ZCWPW1: variants seen among roughly 807,000 people sequenced by gnomAD.
The protein encoded by ZCWPW1 is zinc finger CW-type PWWP domain protein 1.
In ZCWPW1, 56 loss-of-function variants were observed where a neutral mutation model predicts 81.3. The ratio of observed to expected loss-of-function variants is 0.69; its 90% CI spans 0.56 to 0.86. The LOEUF is 0.86. Ranked by LOEUF, ZCWPW1 falls within the 40% of genes least tolerant of loss-of-function variation. ZCWPW1 has a pLI of 0.00. For synonymous variants in ZCWPW1, 250 were observed against 273.7 expected (o/e 0.91, Z 0.86); for missense variants, 650 against 769.8 (o/e 0.84, Z 1.84).
At position 100,400,987 on chromosome 7, in the gene ZCWPW1, G is replaced by C. The variant is rs943635185; in HGVS notation, c.*27C>G. The stretch of plus-strand genomic sequence containing the variant: ...TCCCTCCTGCGCCCCAGAGAAGGGA[G>C]AAAAAGAGGGAGCAGAGGAGCACCA... On this transcript the variant is annotated 3_prime_UTR_variant, in exon 18 of 18. Coordinates refer to ENST00000684423, the MANE Select transcript of ZCWPW1 (RefSeq NM_001386010.1). The C allele has an allele frequency of 6.4e-7, 1 of 1,571,556 alleles. No individual in the cohort carries two copies. Among genetic ancestry groups the C allele is most frequent in the African/African-American group, 1.4e-5 (1 of 73,760 alleles).
intron 8 of ZCWPW1, among the ~76,000 whole-genome samples, chr7:100,410,449 G>A (rs189787744): frequency 6.6e-6 from 1 of 152,140 alleles, no homozygotes; most frequent in African/African-American, 2.4e-5. Flanking sequence ...TTGCCCCATT[G>A]CTACTACTCT....
chr7:100,411,734 T>C (rs1794210791), intron 8 of ZCWPW1, among the ~76,000 whole-genome samples: 1 of 152,012 alleles, frequency 6.6e-6, no homozygotes, highest in South Asian at 2.1e-4. Flanking sequence ...TACAGATCAA[T>C]AATAATACAA....
intron 12 of ZCWPW1, among the ~76,000 whole-genome samples, chr7:100,406,148 G>A (rs1208217324): frequency 6.6e-6 from 1 of 152,182 alleles, no homozygotes; most frequent in African/African-American, 2.4e-5. Flanking sequence ...AGTGACTACA[G>A]GGAGGAAATA....
At chr7:100,420,782 G>T in intron 2 of ZCWPW1, 104 bp from the exon 3 acceptor site, 1 of 1,081,832 alleles carries the variant, frequency 9.2e-7, no homozygotes, top group Non-Finnish European at 1.4e-6. Flanking sequence ...CTCTGAACTA[G>T]GTTTCTGCAT....
rs752439815 is a variant in ZCWPW1, at chr7:100,416,040, A to G, written c.689T>C (p.Leu230Pro). Residue 230 changes from leucine to proline, a missense_variant, in exon 8 of 18, where the codon CTA becomes CCA. By Grantham distance (98) the Leu-to-Pro change is moderately conservative. Transcript: ENST00000684423. ...AGAATGATCCTGAACTGTTTTCTTT[A>G]GTCGGTCTTCCTGTCTGTGCTCATG... ...GGHEHRQEDR[L>P]KKTVQDHSQI... 7 of 1,613,984 alleles carry G rather than the reference A, an allele frequency of 4.3e-6. No homozygotes were observed. The highest frequency in any genetic ancestry group is 2.2e-5 in the South Asian group (2 of 91,086).
chr7:100,401,973 A>T lies in ZCWPW1; in HGVS notation c.1543T>A (p.Ser515Thr). 6.2e-7 allele frequency: 1 copy of T among 1,613,866 alleles called. No homozygotes were observed. The highest frequency in any genetic ancestry group is 8.5e-7 in the Non-Finnish European group (1 of 1,180,010). Residue 515 changes from serine (S) to threonine (T), a missense_variant, in exon 17 of 18, where the codon TCT (serine) becomes ACT (threonine). Transcript: ENST00000684423. The stretch of plus-strand genomic sequence containing the variant: ...GGAGCTGTGGATTTCCTGCCTAGAG[A>T]TCTCTTCATTATCTTCCTCTGCAGT... Reference protein sequence around the residue: ...RTLQRKIMKRSLGRKSTAPPA... With the variant: ...RTLQRKIMKRTLGRKSTAPPA...
chr7:100,422,203 G>A (rs1476598132), intron 2 of ZCWPW1, among the ~76,000 whole-genome samples: 1 of 152,132 alleles, frequency 6.6e-6, no homozygotes, highest in South Asian at 2.1e-4. Flanking sequence ...GTAAAATCAG[G>A]ATTAGAACCT....
In ZCWPW1 at chr7:100,428,053, C is replaced by T. The variant is rs540367671; in HGVS notation, c.-137+515G>A. Reference sequence around the variant, plus strand: ...GGCGACAGATTCTGAGGAAAAAGGGCGAAGGGCTGGTTGTCGCCCTGAGAA... The same window carrying T: ...GGCGACAGATTCTGAGGAAAAAGGGTGAAGGGCTGGTTGTCGCCCTGAGAA... On this transcript the variant is annotated intron_variant, in intron 1 of 17. Coordinates refer to ENST00000684423, the MANE Select transcript of ZCWPW1 (RefSeq NM_001386010.1). Among the ~76,000 whole-genome samples the T allele has an allele frequency of 4.6e-5, 7 of 152,014 alleles. No individual in the cohort carries two copies. The East Asian group carries it at 1.4e-3, about 29-fold the overall frequency.
intron 8 of ZCWPW1, 75 bp downstream of exon 8, chr7:100,415,900 A>G (rs1795130067): frequency 7.6e-6 from 12 of 1,585,348 alleles, no homozygotes; most frequent in Non-Finnish European, 8.6e-6. Context: ...AGGTTCCTCT[A>G]ACATCCTAAC....
In ZCWPW1 at chr7:100,401,321, A is replaced by C. The variant is rs749107136; in HGVS notation, c.1643T>G (p.Phe548Cys). Residue 548 changes from phenylalanine (F) to cysteine (C), a missense_variant, in exon 18 of 18, where the codon TTT (phenylalanine) becomes TGT (cysteine). Physicochemically the swap from Phe to Cys is radical, Grantham distance 205. Transcript: ENST00000684423. Reference protein sequence around the residue: ...DSDQPGPKKKFKAPQSKALAA... With the variant: ...DSDQPGPKKKCKAPQSKALAA... ...CAAGGCCTTGCTCTGGGGAGCTTTA[A>C]ATTTTTTCTTAGGGCCTAAATGAGA... 6.4e-7 allele frequency: 1 copy of C among 1,552,204 alleles called. No individual in the cohort carries two copies. Among genetic ancestry groups the C allele is most frequent in the African/African-American group, 1.4e-5 (1 of 72,334 alleles).
chr7:100,404,371 T>C, intron 13 of ZCWPW1, 127 bp from the exon 14 acceptor site: 1 of 901,190 alleles, frequency 1.1e-6, no homozygotes, highest in South Asian at 1.6e-5. Flanking sequence ...ATCATTATTA[T>C]TATTTTTGAG....
chr7:100,413,104 G>T (rs887373815), intron 8 of ZCWPW1, among the ~76,000 whole-genome samples: 32 of 152,072 alleles, frequency 2.1e-4, no homozygotes, highest in Non-Finnish European at 7.4e-5. Context: ...TTCTTAACTG[G>T]TCTATTCTTC....
At chr7:100,405,115 A>C (rs1452954395) in intron 12 of ZCWPW1, 22 bp from the exon 13 acceptor site, 1 of 1,607,586 alleles carries the variant, frequency 6.2e-7, no homozygotes, top group African/African-American at 1.3e-5. Flanking sequence ...GATTAGAGCC[A>C]ATGATAAATA....
At chr7:100,419,385 A>G (rs1343524963) in intron 4 of ZCWPW1, among the ~76,000 whole-genome samples, 196 bp from the exon 5 acceptor site, 1 of 152,184 alleles carries the variant, frequency 6.6e-6, no homozygotes, top group African/African-American at 2.4e-5. Flanking sequence ...AGAAAAGTGT[A>G]TAATGTCTCT....
At chr7:100,419,304 G>A in intron 4 of ZCWPW1, 115 bp from the exon 5 acceptor site, 1 of 887,892 alleles carries the variant, frequency 1.1e-6, no homozygotes. Context: ...CGGAAGGCAT[G>A]CAGTCAGCAT....
chr7:100,426,055 G>A (rs1797263564), intron 1 of ZCWPW1, among the ~76,000 whole-genome samples: 1 of 152,134 alleles, frequency 6.6e-6, no homozygotes, highest in Admixed American at 6.5e-5. Context: ...ACACCATTCA[G>A]AATGTGTTCC....
chr7:100,409,313 A>G, intron 9 of ZCWPW1, 115 bp downstream of exon 9: 2 of 832,086 alleles, frequency 2.4e-6, no homozygotes. Context: ...CCCAAGCACT[A>G]CAAGGACACT....
At chr7:100,414,339 T>G (rs1413273103) in intron 8 of ZCWPW1, among the ~76,000 whole-genome samples, 2 of 152,228 alleles carry the variant, frequency 1.3e-5, no homozygotes, top group Non-Finnish European at 2.9e-5. Flanking sequence ...AAGTTGGAAC[T>G]TGTTCTGTCT....
intron 1 of ZCWPW1, among the ~76,000 whole-genome samples, chr7:100,428,041 G>C (rs1798047537): frequency 6.6e-6 from 1 of 151,890 alleles, no homozygotes; most frequent in South Asian, 2.1e-4. Context: ...GACAGATTCT[G>C]AGGAAAAAGG....
Sources: gnomAD v4.1 joint callset for allele counts (sites outside exome capture counted in the v4.1 genomes callset) on GRCh38, gnomAD v4.1.1 for gene constraint, MANE v1.5 for transcripts, NCBI Gene and HGNC (gene_info 2026-07-23, HGNC 2026-07-21) for gene names.